ARL15: variants seen among roughly 807,000 people sequenced by gnomAD.
ARL15 encodes the protein ARF like GTPase 15.
A neutral mutation model predicts 25.2 loss-of-function variants in ARL15; 19 were observed. The observed-to-expected ratio is 0.75, with a 90% CI of 0.53 to 1.10. ARL15 has a LOEUF of 1.10. Among genes scored for constraint, ARL15 ranks in the 50% least tolerant of loss-of-function variants. The pLI is 0.00. For missense variants in ARL15, 220 were observed against 246.0 expected (o/e 0.89, Z 0.71); for synonymous variants, 94 against 86.8 (o/e 1.08, Z -0.46).
At chr5:53,932,020 T>G (rs146483480) in intron 4 of ARL15, among the ~76,000 whole-genome samples, 117 of 152,336 alleles carry the variant, frequency 7.7e-4, no homozygotes, top group Non-Finnish European at 1.4e-3. Flanking sequence ...CATTTATGAT[T>G]ATTTTACATA....
intron 4 of ARL15, among the ~76,000 whole-genome samples, chr5:53,992,842 T>A (rs1394859580): frequency 8.3e-6 from 1 of 120,584 alleles, no homozygotes; most frequent in Non-Finnish European, 1.8e-5. Context: ...GGGTCGGGAG[T>A]TTGAGACCAG....
chr5:54,076,385 C>T (rs1312475799), intron 4 of ARL15, among the ~76,000 whole-genome samples: 1 of 150,112 alleles, frequency 6.7e-6, no homozygotes, highest in African/African-American at 2.5e-5. Context: ...CGCGCCACTG[C>T]ACTCCAGCCT....
Position 53,964,538 on chromosome 5 carries a change from A to ATT in ARL15, c.463-77827_463-77826dup, listed in dbSNP as rs10646473. 2.7e-3 allele frequency among the ~76,000 whole-genome samples: 409 copies of ATT among 151,938 alleles called. 1 individual carries two copies. The highest frequency in any genetic ancestry group is 8.2e-3 in the African/African-American group (338 of 41,432). ...CCATGCCTGGCTAATTTTGTTTTGT[A>ATT]TTTAGTAGAGACGGGGCTTCACCGT... On this transcript the variant is annotated intron_variant, in intron 4 of 4. Coordinates refer to ENST00000504924, the MANE Select transcript of ARL15 (RefSeq NM_019087.3).
At chr5:54,063,275 C>T (rs187702435) in intron 4 of ARL15, among the ~76,000 whole-genome samples, 31 of 152,306 alleles carry the variant, frequency 2.0e-4, no homozygotes, top group African/African-American at 5.1e-4. Flanking sequence ...GCTTGATAGA[C>T]GTTTCCTAGG....
chr5:54,244,968 A>G (rs570911387), intron 1 of ARL15, among the ~76,000 whole-genome samples: 2 of 152,244 alleles, frequency 1.3e-5, no homozygotes, highest in African/African-American at 2.4e-5. Context: ...TGAAGAAAAT[A>G]CTCTAATAAT....
intron 4 of ARL15, among the ~76,000 whole-genome samples, chr5:53,933,320 C>T (rs910069087): frequency 6.6e-6 from 1 of 152,022 alleles, no homozygotes; most frequent in Non-Finnish European, 1.5e-5. Flanking sequence ...CAGATCTCAA[C>T]CACCAGTAGA....
chr5:54,306,409 G>A (rs961757075), intron 1 of ARL15, among the ~76,000 whole-genome samples: 1 of 54,056 alleles, frequency 1.8e-5, no homozygotes, highest in Non-Finnish European at 4.2e-5. Context: ...TTTTTTTTTT[G>A]TCTTGAGACG....
At chr5:53,995,408 TA>T (rs200484136) in intron 4 of ARL15, among the ~76,000 whole-genome samples, 4 of 146,316 alleles carry the variant, frequency 2.7e-5, no homozygotes, top group Admixed American at 6.9e-5. Context: ...TTGTCTACAT[TA>T]GGGGTGTGCA....
At chr5:54,258,949 T>C (rs374006941) in intron 1 of ARL15, among the ~76,000 whole-genome samples, 1 of 152,130 alleles carries the variant, frequency 6.6e-6, no homozygotes, top group Admixed American at 6.5e-5. Flanking sequence ...AACAACCATA[T>C]AGACAAATTC....
chr5:54,174,255 G>T (rs965200786), intron 1 of ARL15, among the ~76,000 whole-genome samples: 3 of 152,116 alleles, frequency 2.0e-5, no homozygotes, highest in Non-Finnish European at 2.9e-5. Flanking sequence ...GAGACTAACA[G>T]GATGCTTGAT....
At chr5:54,155,717 T>C (rs977857083) in intron 2 of ARL15, among the ~76,000 whole-genome samples, 3 of 143,906 alleles carry the variant, frequency 2.1e-5, no homozygotes, top group Admixed American at 6.9e-5. Flanking sequence ...CACACACACA[T>C]GCAAATATAC....
chr5:54,001,811 T>C (rs1748857081), intron 4 of ARL15, among the ~76,000 whole-genome samples: 1 of 152,254 alleles, frequency 6.6e-6, no homozygotes, highest in South Asian at 2.1e-4. Flanking sequence ...ATGTAGCTAC[T>C]GGCCTCTGGC....
chr5:54,167,491 T>A (rs1008500946), intron 2 of ARL15, among the ~76,000 whole-genome samples: 1 of 152,180 alleles, frequency 6.6e-6, no homozygotes, highest in Non-Finnish European at 1.5e-5. Context: ...TTTCCTGGCT[T>A]GAAAATTGTT....
chr5:53,914,895 C>G (rs1307227977), intron 4 of ARL15, among the ~76,000 whole-genome samples: 1 of 152,172 alleles, frequency 6.6e-6, no homozygotes, highest in Non-Finnish European at 1.5e-5. Context: ...ACTGCAACCT[C>G]CACCTCTCTG....
chr5:54,044,260 T>TTG (rs1019270054), intron 4 of ARL15, among the ~76,000 whole-genome samples: 2 of 144,086 alleles, frequency 1.4e-5, no homozygotes, highest in African/African-American at 5.4e-5. Flanking sequence ...TTTTTTTTTT[T>TTG]TGAGACAGAG....
intron 4 of ARL15, among the ~76,000 whole-genome samples, chr5:54,064,123 G>C (rs35673352): frequency 6.6e-6 from 1 of 151,992 alleles, no homozygotes; most frequent in Non-Finnish European, 1.5e-5. Flanking sequence ...TTTCTCCCAC[G>C]GAAGTGCATG....
intron 4 of ARL15, among the ~76,000 whole-genome samples, chr5:53,896,702 T>C (rs1380619789): frequency 2.6e-5 from 4 of 152,024 alleles, no homozygotes; most frequent in Non-Finnish European, 5.9e-5. Context: ...TTCACTGTGT[T>C]AGCCAGGATG....
intron 4 of ARL15, among the ~76,000 whole-genome samples, chr5:53,897,245 A>T (rs1404818531): frequency 6.6e-6 from 1 of 152,164 alleles, no homozygotes; most frequent in African/African-American, 2.4e-5. Flanking sequence ...GTCATCCCCC[A>T]ATTATGCTTT....
intron 1 of ARL15, among the ~76,000 whole-genome samples, chr5:54,188,544 C>A (rs1755302721): frequency 8.8e-6 from 1 of 114,148 alleles, no homozygotes. Context: ...GGGAATTAGA[C>A]ATGGACAGTA....
Sources: allele counts gnomAD v4.1 joint callset (sites outside exome capture counted in the v4.1 genomes callset), GRCh38; gene constraint gnomAD v4.1.1; transcripts MANE v1.5; gene names NCBI Gene and HGNC (gene_info 2026-07-23, HGNC 2026-07-21).